PDE4D: variants seen among roughly 807,000 people sequenced by gnomAD.
PDE4D encodes the protein phosphodiesterase 4D, also known as 3',5'-cyclic-AMP phosphodiesterase 4D.
In PDE4D, 24 loss-of-function variants were observed where a neutral mutation model predicts 87.4. The ratio of observed to expected loss-of-function variants is 0.27; its 90% CI spans 0.20 to 0.39. The LOEUF (loss-of-function observed/expected upper bound fraction) is 0.39. Ranked by LOEUF, PDE4D falls within the 10% of genes least tolerant of loss-of-function variation. The pLI is 1.00. For synonymous variants in PDE4D, 384 were observed against 383.2 expected (o/e 1.00, Z -0.02); for missense variants, 714 against 1,041.0 (o/e 0.69, Z 4.32).
chr5:59,540,890 G>C (rs1404769417), intron 1 of PDE4D, among the ~76,000 whole-genome samples: 1 of 152,090 alleles, frequency 6.6e-6, no homozygotes, highest in Non-Finnish European at 1.5e-5. Flanking sequence ...AGAAGAGCAA[G>C]TTAAAAATCC....
intron 1 of PDE4D, among the ~76,000 whole-genome samples, chr5:59,516,392 G>T (rs774067044): frequency 6.6e-6 from 1 of 152,086 alleles, no homozygotes; most frequent in Non-Finnish European, 1.5e-5. Flanking sequence ...ACCAATTCTG[G>T]AGGGATATGA....
chr5:60,179,417 G>A (rs2149496124), intron 2 of PDE4D, among the ~76,000 whole-genome samples: 1 of 152,208 alleles, frequency 6.6e-6, no homozygotes, highest in East Asian at 1.9e-4. Flanking sequence ...TGGCGCAGAA[G>A]TATTGAACAC....
At chr5:59,850,101 C>T (rs764083432) in intron 1 of PDE4D, among the ~76,000 whole-genome samples, 134 of 151,858 alleles carry the variant, frequency 8.8e-4, no homozygotes, top group Admixed American at 1.5e-3. Flanking sequence ...TTCCTTTGTC[C>T]CAGGAGAAAT....
chr5:59,408,639 A>G (rs1392579313), intron 1 of PDE4D, among the ~76,000 whole-genome samples: 2 of 152,196 alleles, frequency 1.3e-5, no homozygotes, highest in African/African-American at 4.8e-5. Flanking sequence ...ACTCCAACCC[A>G]TGAGAGCAGT....
chr5:59,705,851 A>C (rs1429438183), intron 1 of PDE4D, among the ~76,000 whole-genome samples: 4 of 152,158 alleles, frequency 2.6e-5, no homozygotes, highest in Non-Finnish European at 4.4e-5. Flanking sequence ...TTGTAGGATC[A>C]ACTATGCAAA....
intron 1 of PDE4D, among the ~76,000 whole-genome samples, chr5:59,512,439 A>G (rs1197693833): frequency 1.3e-5 from 2 of 152,160 alleles, no homozygotes; most frequent in East Asian, 3.9e-4. Context: ...TATTTAGGAC[A>G]TATTCCAGGA....
chr5:60,209,697 A>AGGGAGGAGAGT (rs1742966879), intron 1 of PDE4D, among the ~76,000 whole-genome samples: 1 of 151,000 alleles, frequency 6.6e-6, no homozygotes, highest in South Asian at 2.1e-4. Flanking sequence ...AGAGAGCCGG[A>AGGGAGGAGAGT]GGGAGGAGAG....
rs528024140 is a variant in PDE4D at position 59,549,661 on chromosome 5, C to T, written c.456-333693G>A. Among the ~76,000 whole-genome samples the T allele has an allele frequency of 9.9e-5, 15 of 152,210 alleles. No individual in the cohort carries two copies. In the South Asian group the frequency reaches 1.7e-3, roughly 17 times the overall value. ...TCTAAGAATTCTATAGGGGAATATACATTTCAGTGAAACTCTGTACCCACC... is the reference window on the plus strand; with the variant it reads ...TCTAAGAATTCTATAGGGGAATATATATTTCAGTGAAACTCTGTACCCACC... On this transcript the variant is annotated intron_variant, in intron 1 of 14. Coordinates refer to ENST00000340635, the MANE Select transcript of PDE4D (RefSeq NM_001104631.2).
chr5:59,638,735 A>T (rs1468096736), intron 1 of PDE4D, among the ~76,000 whole-genome samples: 1 of 152,070 alleles, frequency 6.6e-6, no homozygotes, highest in African/African-American at 2.4e-5. Flanking sequence ...TTGTAAATAG[A>T]GGGAATAGGA....
chr5:59,746,942 T>C (rs1759699128), intron 1 of PDE4D, among the ~76,000 whole-genome samples: 1 of 152,158 alleles, frequency 6.6e-6, no homozygotes, highest in South Asian at 2.1e-4. Context: ...GCTCCCCTCC[T>C]AATCCAGTTT....
chr5:59,893,451 G>A lies in PDE4D; in HGVS notation c.172C>T (p.Pro58Ser), dbSNP rs1237714125. 1.3e-6 allele frequency: 2 copies of A among 1,521,570 alleles called. No homozygotes were observed. Among genetic ancestry groups the A allele is most frequent in the Non-Finnish European group, 1.8e-6 (2 of 1,132,602 alleles). 94.3% of individuals were successfully genotyped at this position (1,521,570 alleles called of 1,614,324 possible). A position where few individuals can be genotyped will look rare whatever the true frequency, so the allele number is the denominator to read the frequency against. The change falls in exon 1 of 15, where the codon CCC becomes TCC. Residue 58 changes from proline (P) to serine (S), a missense_variant. Physicochemically the swap from Pro to Ser is moderately conservative, Grantham distance 74 (BLOSUM62 -1). Around this residue, in one of 7 missense-constraint regions of PDE4D, gnomAD observed 268 missense variants for 272.9 expected, o/e 0.98. Transcript: ENST00000340635. ...TGGGGCGAGGGTGGCGGCGGCGGGG[G>A]CAGGTGGTGATGGGGATGCAGGAGG... ...FRLLHPHHHLPPPPPPSPQPQ... is the reference protein window; with the variant it reads ...FRLLHPHHHLSPPPPPSPQPQ...
chr5:60,144,884 C>G (rs1481336405), intron 2 of PDE4D, among the ~76,000 whole-genome samples: 1 of 152,134 alleles, frequency 6.6e-6, no homozygotes, highest in Non-Finnish European at 1.5e-5. Context: ...ATAGATCACT[C>G]TAAATCTCAT....
At chr5:59,238,818 T>C (rs1306328773) in intron 1 of PDE4D, among the ~76,000 whole-genome samples, 3 of 152,336 alleles carry the variant, frequency 2.0e-5, no homozygotes, top group Non-Finnish European at 4.4e-5. Context: ...TCTCATATCC[T>C]AGTCTCATAC....
intron 2 of PDE4D, among the ~76,000 whole-genome samples, chr5:60,083,181 C>T (rs1774158550): frequency 6.6e-6 from 1 of 152,170 alleles, no homozygotes; most frequent in Non-Finnish European, 1.5e-5. Context: ...TGATGCCTAG[C>T]TTGCAATTGG....
Position 59,169,703 on chromosome 5 carries a change from C to G in PDE4D, c.808+10892G>C, listed in dbSNP as rs531744090. Among the ~76,000 whole-genome samples the G allele has an allele frequency of 2.0e-5, 3 of 152,296 alleles. No individual in the cohort carries two copies. The South Asian group carries it at 6.2e-4, about 32-fold the overall frequency. On this transcript the variant is annotated intron_variant, in intron 5 of 14. Transcript: ENST00000340635. ...TTCCAGAAAGACAGGTATTTTCCAA[C>G]AAGCTATCATCAACTCAATGACAAC...
chr5:60,005,872 TA>T (rs1214931086), intron 2 of PDE4D, among the ~76,000 whole-genome samples: 8 of 151,866 alleles, frequency 5.3e-5, no homozygotes, highest in African/African-American at 9.7e-5. Context: ...AGAGGAAATT[TA>T]TAGTGTAAAA....
In PDE4D at chr5:59,154,720, T is replaced by C. The variant is rs1013211656; in HGVS notation, c.808+25875A>G. 2.0e-5 allele frequency among the ~76,000 whole-genome samples: 3 copies of C among 152,142 alleles called. No individual in the cohort carries two copies. In the East Asian group the frequency reaches 5.8e-4, roughly 29 times the overall value. On this transcript the variant is annotated intron_variant, in intron 5 of 14. Transcript: ENST00000340635. ...GGCCAACATAGTGAAACGCTGTCTC[T>C]ACTAAAAATACAAAAATTAGCTGGG... is the stretch of plus-strand genomic sequence containing the variant.
At chr5:60,282,208 C>CATATATATATACATAT (rs1235728150) in intron 1 of PDE4D, among the ~76,000 whole-genome samples, 38 of 128,402 alleles carry the variant, frequency 3.0e-4, no homozygotes, top group African/African-American at 1.0e-3. Context: ...GAGAAATAAA[C>CATATATATATACATAT]ATATATATAT....
chr5:60,080,662 G>A (rs1287482357), intron 2 of PDE4D, among the ~76,000 whole-genome samples: 3 of 152,162 alleles, frequency 2.0e-5, no homozygotes, highest in Non-Finnish European at 2.9e-5. Flanking sequence ...CTTTGGTTGT[G>A]TTTATGTCAT....
Sources: gnomAD v4.1 joint callset for allele counts (sites outside exome capture counted in the v4.1 genomes callset) on GRCh38, gnomAD v4.1.1 for gene constraint, gnomAD v4.1.1 regional missense constraint, MANE v1.5 for transcripts, NCBI Gene and HGNC (gene_info 2026-07-23, HGNC 2026-07-21) for gene names.